Variants in AKNA observed in about 807,000 individuals in gnomAD.
AKNA encodes AT-hook transcription factor.
AKNA carries 67 observed loss-of-function variants against 138.8 expected under a neutral mutation model. That is an observed-to-expected ratio of 0.48 (90% CI 0.40 to 0.59). AKNA has a LOEUF of 0.59. AKNA is among the 20% of genes least tolerant of loss of function. The pLI is 0.00. For missense variants in AKNA, 1,813 were observed against 1,880.4 expected (o/e 0.96, Z 0.66); for synonymous variants, 737 against 754.4 (o/e 0.98, Z 0.38).
At chr9:114,369,635 T>TCAC (rs1832616374) in intron 4 of AKNA, among the ~76,000 whole-genome samples, 2 of 151,954 alleles carry the variant, frequency 1.3e-5, no homozygotes, top group African/African-American at 4.8e-5. Context: ...ACCATTATCT[T>TCAC]CACCACCACC....
chr9:114,358,738 A>T (rs1440040319), intron 11 of AKNA, among the ~76,000 whole-genome samples: 2 of 150,974 alleles, frequency 1.3e-5, no homozygotes, highest in Non-Finnish European at 3.0e-5. Context: ...AGGACAAAAA[A>T]CCAAACACCG....
chr9:114,349,616 T>C (rs772428008), intron 15 of AKNA, among the ~76,000 whole-genome samples: 1 of 152,142 alleles, frequency 6.6e-6, no homozygotes, highest in Non-Finnish European at 1.5e-5. Flanking sequence ...CTACGCTACG[T>C]CCCTGCTTAA....
At chr9:114,394,115 G>A (rs1834454769) in intron 1 of AKNA, among the ~76,000 whole-genome samples, 1 of 151,980 alleles carries the variant, frequency 6.6e-6, no homozygotes, top group African/African-American at 2.4e-5. Context: ...AGAGGTTGCA[G>A]TGAGCCAAGA....
At chr9:114,387,833 G>A (rs763656943) in intron 1 of AKNA, 27 bp downstream of exon 1, 49 of 437,324 alleles carry the variant, frequency 1.1e-4, no homozygotes, top group South Asian at 7.5e-4. Flanking sequence ...GCGGCCTCCC[G>A]GGCCCTCCTC....
chr9:114,341,625 C>T lies in AKNA; in HGVS notation c.3975G>A (p.Leu1325=). Residue 1325 remains leucine, a synonymous_variant, in exon 21 of 22, where the codon CTG becomes CTA. Transcript: ENST00000374088. ...CTGGGGGCGCTGTTGCCAGATACCACAGTCCGGGGGGTGGGCGTGGCGACG... is the reference window on the plus strand; with the variant it reads ...CTGGGGGCGCTGTTGCCAGATACCATAGTCCGGGGGGTGGGCGTGGCGACG... ...AGSSPRPPPG[L]WYLATAPPAP... is the part of the protein sequence containing the mutation. The T allele has an allele frequency of 6.2e-7, 1 of 1,613,536 alleles. No individual in the cohort carries two copies. The highest frequency in any genetic ancestry group is 8.5e-7 in the Non-Finnish European group (1 of 1,179,848).
chr9:114,368,408 C>A, intron 5 of AKNA, 31 bp downstream of exon 5: 1 of 1,311,686 alleles, frequency 7.6e-7, no homozygotes, highest in Non-Finnish European at 9.8e-7. Flanking sequence ...GCAGAAGGAG[C>A]CTCCAGCTGC....
downstream of AKNA, chr9:114,333,301 A>G: frequency 7.8e-7 from 1 of 1,286,816 alleles, no homozygotes; most frequent in South Asian, 1.5e-5. Flanking sequence ...GCCTGCCCTG[A>G]GTTTAACCCT....
In AKNA at chr9:114,345,812, C is replaced by G. The variant is rs751605480; in HGVS notation, c.3661+51G>C. 1.9e-6 allele frequency: 3 copies of G among 1,574,554 alleles called. 1 individual carries two copies. The highest frequency in any genetic ancestry group is 2.3e-5 in the South Asian group (2 of 87,812). On this transcript the variant is annotated intron_variant, in intron 18 of 21. Coordinates refer to ENST00000374088, the MANE Select transcript of AKNA (RefSeq NM_001317950.2). ...AAAGGGCTTCTCATAACAGAGGAGC[C>G]CCCGCTGACACCAGGAGCTGCACCC... is the stretch of plus-strand genomic sequence containing the variant.
At chr9:114,368,923 C>T (rs1273879519) in intron 4 of AKNA, among the ~76,000 whole-genome samples, 2 of 152,220 alleles carry the variant, frequency 1.3e-5, no homozygotes, top group Non-Finnish European at 2.9e-5. Flanking sequence ...ACTGCTCTAT[C>T]TGACCCCAAC....
chr9:114,343,883 C>T, intron 18 of AKNA, 80 bp from the exon 19 acceptor site: 2 of 1,263,900 alleles, frequency 1.6e-6, no homozygotes, highest in Non-Finnish European at 2.2e-6. Context: ...ATAATGATCT[C>T]CTCTTCCTCC....
At chr9:114,358,904 A>C (rs1437334055) in intron 11 of AKNA, among the ~76,000 whole-genome samples, 1 of 152,090 alleles carries the variant, frequency 6.6e-6, no homozygotes, top group Admixed American at 6.5e-5. Context: ...CAGCACACCA[A>C]CATGGCACAT....
At chr9:114,374,761 T>C (rs866661269) in intron 3 of AKNA, among the ~76,000 whole-genome samples, 1 of 152,204 alleles carries the variant, frequency 6.6e-6, no homozygotes, top group South Asian at 2.1e-4. Flanking sequence ...TTGAAGGATG[T>C]GAGGAACTGA....
intron 2 of AKNA, 175 bp from the exon 3 acceptor site, chr9:114,377,707 C>A: frequency 1.5e-6 from 1 of 686,034 alleles, no homozygotes; most frequent in South Asian, 2.1e-5. Flanking sequence ...ATCTGATTAT[C>A]TCAGAGGTCC....
chr9:114,388,086 T>G (rs892349417), upstream of AKNA: 9 of 269,872 alleles, frequency 3.3e-5, no homozygotes, highest in Non-Finnish European at 5.6e-5. Flanking sequence ...CCAGCCTGAT[T>G]TCCTACAAGT....
In AKNA at chr9:114,381,133, C is replaced by T. The variant is rs368406159; in HGVS notation, c.201G>A (p.Pro67=). The T allele has an allele frequency of 4.7e-5, 75 of 1,612,544 alleles. 1 individual carries two copies. The highest frequency in any genetic ancestry group is 2.6e-4 in the African/African-American group (19 of 74,416). Residue 67 remains proline, a synonymous_variant, in exon 2 of 22, where the codon CCG becomes CCA. Coordinates refer to ENST00000374088, the MANE Select transcript of AKNA (RefSeq NM_001317950.2). ...EDFRLAQQHL[P]PLEWDPHPQP... is the part of the protein sequence containing the mutation. ...GCGGGTGTGGGTCCCACTCCAGGGG[C>T]GGCAGGTGCTGCTGGGCCAGGCGGA...
At chr9:114,389,687 G>A (rs1376291041), upstream of AKNA, among the ~76,000 whole-genome samples, 1 of 152,178 alleles carries the variant, frequency 6.6e-6, no homozygotes, top group Non-Finnish European at 1.5e-5. Context: ...TGCTACTTAG[G>A]TATAAGTCTC....
intron 1 of AKNA, among the ~76,000 whole-genome samples, chr9:114,393,060 G>C (rs1834407957): frequency 6.6e-6 from 1 of 152,120 alleles, no homozygotes; most frequent in Admixed American, 6.5e-5. Flanking sequence ...CACCTATTAT[G>C]TGTCAAATAC....
upstream of AKNA, among the ~76,000 whole-genome samples, chr9:114,392,104 C>CAAAA (rs61619495): frequency 5.1e-3 from 437 of 86,488 alleles, 13 homozygotes; most frequent in East Asian, 0.025. Context: ...AGACGCTTGT[C>CAAAA]AAAAAAAAAA....
intron 4 of AKNA, among the ~76,000 whole-genome samples, chr9:114,370,201 C>T (rs1342603664): frequency 6.6e-6 from 1 of 152,230 alleles, no homozygotes; most frequent in East Asian, 1.9e-4. Flanking sequence ...CCCGCCGCCT[C>T]CCCCTCTTTC....
Sources: allele counts gnomAD v4.1 joint callset (sites outside exome capture counted in the v4.1 genomes callset), GRCh38; gene constraint gnomAD v4.1.1; transcripts MANE v1.5; gene names NCBI Gene and HGNC (gene_info 2026-07-23, HGNC 2026-07-21).